Variants in RBFOX3 observed in about 807,000 individuals in gnomAD.
RBFOX3 encodes RNA binding protein fox-1 homolog 3.
RBFOX3 carries 17 observed loss-of-function variants against 48.7 expected under a neutral mutation model. That is an observed-to-expected ratio of 0.35 (90% CI 0.24 to 0.52). The LOEUF (loss-of-function observed/expected upper bound fraction) is 0.52, where lower values mean the gene tolerates loss of function less well. RBFOX3 is among the 20% of genes least tolerant of loss of function. The probability of loss-of-function intolerance (pLI) is 0.94; values close to 1 mark genes in which losing one functional copy is unlikely to be tolerated. For synonymous variants in RBFOX3, 212 were observed against 209.5 expected, an observed-to-expected ratio of 1.01 and a Z score of -0.10; for missense variants, 382 against 497.5, an observed-to-expected ratio of 0.77 and a Z score of 2.21.
At chr17:79,586,068 C>T (rs1478192276) in intron 1 of RBFOX3, among the ~76,000 whole-genome samples, 2 of 152,244 alleles carry the variant, frequency 1.3e-5, no homozygotes, top group African/African-American at 4.8e-5. Flanking sequence ...CAACTGTTCA[C>T]ATGTCCATGG....
chr17:79,094,913 G>A (rs1480912254), intron 13 of RBFOX3, among the ~76,000 whole-genome samples: 1 of 152,104 alleles, frequency 6.6e-6, no homozygotes, highest in Non-Finnish European at 1.5e-5. Context: ...AGAAGAGAGA[G>A]GGTCAACGAG....
At chr17:79,123,346 T>C (rs1274192350) in intron 4 of RBFOX3, among the ~76,000 whole-genome samples, 2 of 152,206 alleles carry the variant, frequency 1.3e-5, no homozygotes, top group Non-Finnish European at 2.9e-5. Context: ...ACCTACTATG[T>C]ACCCACAACA....
intron 1 of RBFOX3, among the ~76,000 whole-genome samples, chr17:79,539,881 G>A (rs782453253): frequency 2.6e-5 from 4 of 152,156 alleles, no homozygotes; most frequent in Admixed American, 6.5e-5. Context: ...AGATGAACAC[G>A]GTTTTGTTTG....
intron 4 of RBFOX3, among the ~76,000 whole-genome samples, chr17:79,145,106 T>C (rs1387260504): frequency 6.6e-6 from 1 of 151,898 alleles, no homozygotes; most frequent in African/African-American, 2.4e-5. Flanking sequence ...TCCTAGGAGA[T>C]CAGGGGAAAC....
At chr17:79,170,700 G>C (rs973342901) in intron 4 of RBFOX3, among the ~76,000 whole-genome samples, 8 of 152,080 alleles carry the variant, frequency 5.3e-5, no homozygotes, top group African/African-American at 1.9e-4. Flanking sequence ...CTGGTCTGTA[G>C]CTTTCTGGCC....
intron 2 of RBFOX3, among the ~76,000 whole-genome samples, chr17:79,345,241 C>T (rs1189926321): frequency 6.6e-6 from 1 of 152,206 alleles, no homozygotes; most frequent in South Asian, 2.1e-4. Flanking sequence ...TAAATTGTGA[C>T]ATTTACGTGC....
intron 4 of RBFOX3, among the ~76,000 whole-genome samples, chr17:79,130,361 T>C (rs2612790): frequency 0.71 from 108,019 of 152,046 alleles, 39,384 homozygotes; most frequent in Non-Finnish European, 0.76. Flanking sequence ...AGCCACACTG[T>C]GGGTGAGCAG....
the RBFOX3 span, among the ~76,000 whole-genome samples, chr17:79,639,331 C>T: frequency 2.0e-5 from 3 of 152,048 alleles, no homozygotes; most frequent in East Asian, 1.9e-4. Context: ...CCCACCACCG[C>T]GCCCGGCTAA....
At chr17:79,454,470 A>T (rs1555743494) in intron 2 of RBFOX3, among the ~76,000 whole-genome samples, 1 of 151,658 alleles carries the variant, frequency 6.6e-6, no homozygotes, top group Non-Finnish European at 1.5e-5. Context: ...GATCAAGAAC[A>T]CTGCCGCTCC....
chr17:79,660,152 G>A, the RBFOX3 span, among the ~76,000 whole-genome samples: 14 of 152,078 alleles, frequency 9.2e-5, no homozygotes, highest in African/African-American at 2.9e-4. Flanking sequence ...ACACCACTGC[G>A]TTCCAGCCTG....
upstream of RBFOX3, among the ~76,000 whole-genome samples, chr17:79,611,157 T>TCGCTCTCG (rs2093962742): frequency 4.0e-5 from 1 of 24,892 alleles, no homozygotes; most frequent in Non-Finnish European, 1.2e-4. Context: ...TCTCTCTCTC[T>TCGCTCTCG]CTCTCTCTCT....
chr17:79,299,105 T>C lies in RBFOX3; in HGVS notation c.-74+8619A>G, dbSNP rs1469013346. Among the ~76,000 whole-genome samples, 5 of 149,132 alleles carry C rather than the reference T, an allele frequency of 3.4e-5. No individual in the cohort carries two copies. The highest frequency in any genetic ancestry group is 2.0e-4 in the East Asian group (1 of 4,990). On this transcript the variant is annotated intron_variant, in intron 3 of 14. Transcript: ENST00000693108. The surrounding 1 kb of genome is among the most constrained non-coding windows in gnomAD (Gnocchi z 4.5). Reference sequence around the variant, plus strand: ...TGGCCTCGGAAATACGGGAGGGACATGGGAAATGAACTAATAAATAAGAGG... The same window carrying C: ...TGGCCTCGGAAATACGGGAGGGACACGGGAAATGAACTAATAAATAAGAGG...
intron 2 of RBFOX3, among the ~76,000 whole-genome samples, chr17:79,385,671 G>A (rs1389946878): frequency 6.6e-6 from 1 of 152,110 alleles, no homozygotes; most frequent in Non-Finnish European, 1.5e-5. Context: ...TACAGACAGG[G>A]GCTCCAGTAC....
At chr17:79,625,718 G>T in the RBFOX3 span, among the ~76,000 whole-genome samples, 1 of 152,210 alleles carries the variant, frequency 6.6e-6, no homozygotes. Context: ...CTTGAACCCG[G>T]GAGGTGGAAG....
chr17:79,491,054 G>C (rs1299289523), intron 1 of RBFOX3, among the ~76,000 whole-genome samples: 27 of 10,510 alleles, frequency 2.6e-3, no homozygotes, highest in African/African-American at 0.014. Flanking sequence ...GAGGAAAGGA[G>C]AGGGGAGGGG....
In RBFOX3 at chr17:79,177,835, C is replaced by T. The variant is rs867223979; in HGVS notation, c.-34+57931G>A. ...GGGACCTGAAAAATCCTACCACCCT[C>T]AATCAAGCGCAGAGTTAGCTGCTCC... On this transcript the variant is annotated intron_variant, in intron 4 of 14. Coordinates refer to ENST00000693108, the MANE Select transcript of RBFOX3 (RefSeq NM_001350451.2). 4.9e-4 allele frequency among the ~76,000 whole-genome samples: 74 copies of T among 152,354 alleles called. 1 individual carries two copies. The highest frequency in any genetic ancestry group is 1.7e-3 in the African/African-American group (69 of 41,586).
chr17:79,320,138 G>T (rs2078292807), intron 2 of RBFOX3, among the ~76,000 whole-genome samples: 1 of 152,212 alleles, frequency 6.6e-6, no homozygotes, highest in Admixed American at 6.5e-5. Context: ...GGCTTGAGTG[G>T]CTGGTGTCTC....
At chr17:79,660,871 T>C in the RBFOX3 span, among the ~76,000 whole-genome samples, 1 of 152,150 alleles carries the variant, frequency 6.6e-6, no homozygotes. Flanking sequence ...AAAGACATGG[T>C]ATCAACCCAA....
chr17:79,356,353 T>TTTTTG, intron 2 of RBFOX3, among the ~76,000 whole-genome samples: 1 of 33,848 alleles, frequency 3.0e-5, no homozygotes, highest in African/African-American at 2.0e-4. Flanking sequence ...GGGAAGTTTT[T>TTTTTG]TTTTTTTTTT....
Sources: gnomAD v4.1 joint callset for allele counts (sites outside exome capture counted in the v4.1 genomes callset) on GRCh38, gnomAD v4.1.1 for gene constraint, Gnocchi (gnomAD v3.1) non-coding constraint, MANE v1.5 for transcripts, NCBI Gene and HGNC (gene_info 2026-07-23, HGNC 2026-07-21) for gene names.